The following TEX9 variants were observed in gnomAD, a reference collection of about 807,000 sequenced individuals.
The protein encoded by TEX9 is testis expressed 9.
TEX9 carries 74 observed loss-of-function variants against 59.6 expected under a neutral mutation model. The ratio of observed to expected loss-of-function variants is 1.24; its 90% CI spans 1.03 to 1.51. TEX9 has a LOEUF of 1.51. TEX9 is among the 40% of genes most tolerant of loss of function. TEX9 has a pLI of 0.00. For synonymous variants in TEX9, 186 were observed against 152.2 expected, an observed-to-expected ratio of 1.22 and a Z score of -1.64; for missense variants, 522 against 447.8, an observed-to-expected ratio of 1.17 and a Z score of -1.49.
intron 1 of TEX9, among the ~76,000 whole-genome samples, chr15:56,304,796 G>A (rs1256131839): frequency 6.6e-6 from 1 of 152,072 alleles, no homozygotes; most frequent in African/African-American, 2.4e-5. Context: ...AATCATGGCT[G>A]ACTGCATCCT....
At chr15:56,321,995 T>A (rs1482734815) in intron 1 of TEX9, among the ~76,000 whole-genome samples, 2 of 152,040 alleles carry the variant, frequency 1.3e-5, no homozygotes, top group Non-Finnish European at 2.9e-5. Context: ...TATATTTTGA[T>A]TGTGGGAATA....
chr15:56,391,268 C>G (rs1432483120), exon 7 of TEX9: 2 of 1,573,424 alleles, frequency 1.3e-6, no homozygotes, highest in East Asian at 2.3e-5. Flanking sequence ...CTCTGATGTC[C>G]AAACTGCCGA....
downstream of TEX9, chr15:56,447,206 C>A (rs1276160143): frequency 3.8e-6 from 1 of 266,102 alleles, no homozygotes; most frequent in Non-Finnish European, 7.2e-6. Flanking sequence ...ACTATCTCAA[C>A]TGCTGTAAAT....
At chr15:56,331,316 T>C (rs58771650) in intron 1 of TEX9, among the ~76,000 whole-genome samples, 3,995 of 152,232 alleles carry the variant, frequency 0.026, 172 homozygotes, top group African/African-American at 0.092. Context: ...TAATAGATAT[T>C]TACAGAACAT....
intron 10 of TEX9, among the ~76,000 whole-genome samples, chr15:56,424,276 G>A (rs150256620): frequency 1.4e-3 from 213 of 152,180 alleles, no homozygotes; most frequent in African/African-American, 5.0e-3. Context: ...TTGACTTAAA[G>A]TCTATTTTGT....
intron 9 of TEX9, among the ~76,000 whole-genome samples, chr15:56,403,303 C>T (rs1483662503): frequency 6.6e-6 from 1 of 152,242 alleles, no homozygotes; most frequent in Non-Finnish European, 1.5e-5. Context: ...GATACAAAAT[C>T]AATGTGCAAA....
At chr15:56,300,685 C>CAGAGAGAGAG (rs71110380) in intron 1 of TEX9, among the ~76,000 whole-genome samples, 17 of 115,662 alleles carry the variant, frequency 1.5e-4, no homozygotes, top group Admixed American at 3.6e-4. Flanking sequence ...AGCAACTCAG[C>CAGAGAGAGAG]AGAGAGAGAG....
At chr15:56,292,649 T>C (rs1014728964) in intron 1 of TEX9, among the ~76,000 whole-genome samples, 10 of 152,174 alleles carry the variant, frequency 6.6e-5, no homozygotes, top group Non-Finnish European at 1.5e-4. Flanking sequence ...GCTGTCAATG[T>C]GGCTAATATT....
intron 1 of TEX9, among the ~76,000 whole-genome samples, chr15:56,272,936 TTA>T (rs1311707190): frequency 1.1e-4 from 16 of 141,932 alleles, no homozygotes; most frequent in African/African-American, 2.9e-4. Context: ...ATTTATTTAT[TTA>T]TTTTTTTTGT....
chr15:56,319,000 A>G lies in TEX9; in HGVS notation c.-106-54441A>G, dbSNP rs111687640. ...ATCCATACTGTATTAAAGGTCTTCA[A>G]TGTCTCTGTTTGCCTAGGTTTAGAA... On this transcript the variant is annotated intron_variant, in intron 1 of 5. Coordinates refer to the TEX9 transcript ENST00000560827. 9.8e-3 allele frequency among the ~76,000 whole-genome samples: 1,498 copies of G among 152,230 alleles called. 22 individuals carry two copies. The highest frequency in any genetic ancestry group is 0.034 in the African/African-American group (1,415 of 41,540).
intron 1 of TEX9, among the ~76,000 whole-genome samples, chr15:56,301,166 ATAAT>A (rs1179271104): frequency 6.6e-6 from 1 of 152,194 alleles, no homozygotes. Flanking sequence ...AAGAGATTTG[ATAAT>A]TAAAAAGAAT....
intron 1 of TEX9, among the ~76,000 whole-genome samples, chr15:56,356,596 A>G (rs2046689119): frequency 6.6e-6 from 1 of 152,124 alleles, no homozygotes; most frequent in Non-Finnish European, 1.5e-5. Context: ...TCATCTTGCA[A>G]TACAGTATTG....
intron 1 of TEX9, among the ~76,000 whole-genome samples, chr15:56,327,906 T>C (rs1435025735): frequency 6.6e-6 from 1 of 152,104 alleles, no homozygotes; most frequent in African/African-American, 2.4e-5. Context: ...AAAGGCAGTC[T>C]AGGCCACAAG....
In TEX9 at chr15:56,441,137, CT is replaced by C. The variant is rs374118806; in HGVS notation, c.*30-4530del. 1.6e-4 allele frequency among the ~76,000 whole-genome samples: 25 copies of C among 152,082 alleles called. No homozygotes were observed. The East Asian group carries it at 4.6e-3, about 28-fold the overall frequency. On this transcript the variant is annotated intron_variant, in intron 12 of 12. Transcript: ENST00000352903. ...CTAATTTCCAATATTATTTATTCCC[CT>C]TTTCTCATTGCTTATTTAGAAATAT...
At chr15:56,402,715 A>G (rs1447358965) in intron 9 of TEX9, among the ~76,000 whole-genome samples, 1 of 152,236 alleles carries the variant, frequency 6.6e-6, no homozygotes, top group East Asian at 1.9e-4. Context: ...CCTGATGAAC[A>G]TTGATGCAAA....
intron 1 of TEX9, among the ~76,000 whole-genome samples, chr15:56,339,230 A>G (rs2046317789): frequency 6.6e-6 from 1 of 151,466 alleles, no homozygotes; most frequent in Admixed American, 6.6e-5. Flanking sequence ...TAAAAATACA[A>G]AAATTAGCCG....
At chr15:56,395,012 A>C in intron 9 of TEX9, 178 bp downstream of exon 9, 1 of 638,772 alleles carries the variant, frequency 1.6e-6, no homozygotes, top group Non-Finnish European at 2.6e-6. Flanking sequence ...TCACCCTTTT[A>C]AAGTATGCAA....
chr15:56,391,345 G>C (rs376599048), exon 7 of TEX9: 7 of 1,601,446 alleles, frequency 4.4e-6, no homozygotes, highest in Non-Finnish European at 5.1e-6. Context: ...AAATTGAAGG[G>C]CAACTGGAGG....
chr15:56,290,963 G>T (rs1390162636), intron 1 of TEX9, among the ~76,000 whole-genome samples: 1 of 152,152 alleles, frequency 6.6e-6, no homozygotes, highest in Non-Finnish European at 1.5e-5. Flanking sequence ...TCATGGCACA[G>T]CAGACAGCAT....
Sources: allele counts gnomAD v4.1 joint callset (sites outside exome capture counted in the v4.1 genomes callset), GRCh38; gene constraint gnomAD v4.1.1; transcripts MANE v1.5; gene names NCBI Gene and HGNC (gene_info 2026-07-23, HGNC 2026-07-21).